DOCK4: variants seen among roughly 807,000 people sequenced by gnomAD.
DOCK4 encodes dedicator of cytokinesis 4, also known as dedicator of cytokinesis protein 4.
A neutral mutation model predicts 268.1 loss-of-function variants in DOCK4; 97 were observed. That is an observed-to-expected ratio of 0.36 (90% CI 0.31 to 0.43). The LOEUF (loss-of-function observed/expected upper bound fraction) is 0.43. DOCK4 is among the 20% of genes least tolerant of loss of function. The pLI is 1.00. For synonymous variants in DOCK4, 954 were observed against 887.2 expected, an observed-to-expected ratio of 1.08 and a Z score of -1.34; for missense variants, 2,145 against 2,455.7, an observed-to-expected ratio of 0.87 and a Z score of 2.67.
At chr7:112,001,151 C>T (rs113976378) in intron 2 of DOCK4, among the ~76,000 whole-genome samples, 2,377 of 152,276 alleles carry the variant, frequency 0.016, 76 homozygotes, top group African/African-American at 0.055. Context: ...CAATGGCTGA[C>T]CAAGAGCTCA....
rs137955463 is a variant in DOCK4, at chr7:111,729,876, T to C, written c.5482-1156A>G. Among the ~76,000 whole-genome samples the C allele has an allele frequency of 2.5e-3, 388 of 152,392 alleles. 3 individuals are homozygous for C. Among genetic ancestry groups the C allele is most frequent in the African/African-American group, 8.9e-3 (370 of 41,596 alleles). On this transcript the variant is annotated intron_variant, in intron 52 of 52. Transcript: ENST00000428084. The stretch of plus-strand genomic sequence containing the variant: ...CAGCCCTCGGGGCTGTAGCCTGTGA[T>C]GTGAGCTGTTTCCTCAGCAGTTTTT...
intron 25 of DOCK4, among the ~76,000 whole-genome samples, chr7:111,841,405 C>T (rs1027754803): frequency 1.3e-5 from 2 of 151,986 alleles, no homozygotes; most frequent in African/African-American, 4.8e-5. Flanking sequence ...AAGCAATACG[C>T]CCGCCTTGGC....
Position 112,138,214 on chromosome 7 carries a change from T to C in DOCK4, c.37+67888A>G, listed in dbSNP as rs371065473. Among the ~76,000 whole-genome samples, 52 of 152,354 alleles carry C rather than the reference T, an allele frequency of 3.4e-4. 1 individual carries two copies. The South Asian group carries it at 0.01, about 30-fold the overall frequency. ...TTACTATCTTTTCAGTACATCCTTA[T>C]TGGTCCCTTTAGTTGTGTCACCTTG... On this transcript the variant is annotated intron_variant, in intron 1 of 52. Transcript: ENST00000428084.
chr7:112,187,860 C>CT (rs111608419), intron 1 of DOCK4, among the ~76,000 whole-genome samples: 5,165 of 152,086 alleles, frequency 0.034, 291 homozygotes, highest in African/African-American at 0.12. Flanking sequence ...ATTTTCATCC[C>CT]TTTTTTTCAC....
intron 35 of DOCK4, among the ~76,000 whole-genome samples, chr7:111,778,953 G>T (rs1332062661): frequency 1.3e-5 from 2 of 152,010 alleles, no homozygotes; most frequent in East Asian, 3.9e-4. Flanking sequence ...TACTTGGGAG[G>T]CTGAGGCAGG....
intron 7 of DOCK4, among the ~76,000 whole-genome samples, chr7:111,979,096 G>A (rs1242694790): frequency 1.3e-5 from 2 of 152,138 alleles, no homozygotes. Flanking sequence ...ATCTTTTTAC[G>A]CCTTTGAGTT....
chr7:111,781,826 G>A (rs1279061732), intron 35 of DOCK4, among the ~76,000 whole-genome samples: 6 of 152,082 alleles, frequency 3.9e-5, no homozygotes, highest in Non-Finnish European at 7.4e-5. Flanking sequence ...AAAACAAAAA[G>A]AAACTGATGA....
At chr7:111,810,800 C>G (rs1369770321) in intron 28 of DOCK4, among the ~76,000 whole-genome samples, 1 of 152,050 alleles carries the variant, frequency 6.6e-6, no homozygotes, top group Non-Finnish European at 1.5e-5. Context: ...AGTTCAAGGC[C>G]AGCCTGGCGA....
intron 1 of DOCK4, among the ~76,000 whole-genome samples, chr7:112,137,028 A>C (rs1333127079): frequency 1.3e-5 from 2 of 152,218 alleles, no homozygotes; most frequent in Non-Finnish European, 2.9e-5. Flanking sequence ...CTGAGGAAAA[A>C]ATGGGAAACT....
At chr7:112,033,626 T>C (rs894596894) in intron 1 of DOCK4, among the ~76,000 whole-genome samples, 7 of 152,358 alleles carry the variant, frequency 4.6e-5, no homozygotes, top group African/African-American at 1.4e-4. Flanking sequence ...CTTGACTTCA[T>C]GGGTTATGAC....
chr7:112,064,665 T>C (rs894517282), intron 1 of DOCK4, among the ~76,000 whole-genome samples: 2 of 147,998 alleles, frequency 1.4e-5, no homozygotes, highest in Non-Finnish European at 2.9e-5. Context: ...GCAGCTATTA[T>C]GGGCTGAACT....
intron 1 of DOCK4, among the ~76,000 whole-genome samples, chr7:112,047,991 G>A (rs964234473): frequency 4.6e-5 from 7 of 152,102 alleles, no homozygotes; most frequent in African/African-American, 9.7e-5. Flanking sequence ...ATGCCTGGCC[G>A]AGAAAAAAAT....
chr7:111,869,492 C>A (rs1233866403), intron 21 of DOCK4, 82 bp downstream of exon 21: 12 of 1,205,490 alleles, frequency 1.0e-5, no homozygotes, highest in Non-Finnish European at 1.5e-5. Context: ...CCATTACTGT[C>A]TGTGTAGAGG....
At chr7:111,950,736 A>C (rs1459871590) in intron 8 of DOCK4, among the ~76,000 whole-genome samples, 1 of 152,222 alleles carries the variant, frequency 6.6e-6, no homozygotes, top group African/African-American at 2.4e-5. Flanking sequence ...ATGCCTCACG[A>C]CCTGACTCGA....
chr7:112,142,509 T>C lies in DOCK4; in HGVS notation c.37+63593A>G, dbSNP rs75881584. On this transcript the variant is annotated intron_variant, in intron 1 of 52. Coordinates refer to ENST00000428084, the MANE Select transcript of DOCK4 (RefSeq NM_001363540.2). ...ACACTGTCTCAGGAAAGCTCATCAC[T>C]AATGCATTTCTAATGAATGGCCTTG... Among the ~76,000 whole-genome samples the C allele has an allele frequency of 3.8e-3, 579 of 152,334 alleles. 11 individuals are homozygous for C. The highest frequency in any genetic ancestry group is 0.021 in the Admixed American group (320 of 15,306).
At chr7:111,893,773 A>G (rs541587881) in intron 16 of DOCK4, among the ~76,000 whole-genome samples, 1 of 152,346 alleles carries the variant, frequency 6.6e-6, no homozygotes, top group Non-Finnish European at 1.5e-5. Context: ...AAAGGCCAGA[A>G]ACAGAAGGAT....
At chr7:112,111,831 A>G (rs374000395) in intron 1 of DOCK4, among the ~76,000 whole-genome samples, 2 of 152,214 alleles carry the variant, frequency 1.3e-5, no homozygotes, top group East Asian at 3.9e-4. Flanking sequence ...AGAGTTGAGT[A>G]GGCTACATAA....
intron 17 of DOCK4, among the ~76,000 whole-genome samples, chr7:111,874,030 CCA>C (rs1429772892): frequency 6.6e-6 from 1 of 152,160 alleles, no homozygotes; most frequent in Non-Finnish European, 1.5e-5. Flanking sequence ...TCAGATATTT[CCA>C]CAGAGTGAGA....
At chr7:111,922,603 A>G (rs1054262560) in intron 12 of DOCK4, among the ~76,000 whole-genome samples, 2 of 151,364 alleles carry the variant, frequency 1.3e-5, no homozygotes, top group Non-Finnish European at 2.9e-5. Context: ...TTTTTTTCAG[A>G]TGGAGTCTTA....
Sources: allele counts gnomAD v4.1 joint callset (sites outside exome capture counted in the v4.1 genomes callset), GRCh38; gene constraint gnomAD v4.1.1; transcripts MANE v1.5; gene names NCBI Gene and HGNC (gene_info 2026-07-23, HGNC 2026-07-21).